Variants in AOPEP observed in about 807,000 individuals in gnomAD.
The protein encoded by AOPEP is aminopeptidase O.
Under a neutral mutation model 98.1 loss-of-function variants are expected in AOPEP, and 77 were observed. The observed-to-expected ratio is 0.78, with a 90% CI of 0.65 to 0.95. The LOEUF (loss-of-function observed/expected upper bound fraction) is 0.95. Among genes scored for constraint, AOPEP ranks in the 40% least tolerant of loss-of-function variants. The pLI, the probability that AOPEP is intolerant of heterozygous loss-of-function variation, is 0.00. For missense variants in AOPEP, 1,024 were observed against 1,024.7 expected (o/e 1.00, Z 0.01); for synonymous variants, 346 against 365.3 (o/e 0.95, Z 0.60).
At chr9:95,057,448 G>T (rs1453333945) in intron 13 of AOPEP, among the ~76,000 whole-genome samples, 1 of 152,202 alleles carries the variant, frequency 6.6e-6, no homozygotes, top group South Asian at 2.1e-4. Flanking sequence ...CTGCTGATAC[G>T]TGGTCTCTTT....
chr9:94,868,986 T>C (rs1391750298), intron 5 of AOPEP, among the ~76,000 whole-genome samples: 1 of 152,164 alleles, frequency 6.6e-6, no homozygotes, highest in East Asian at 1.9e-4. Context: ...CCCAGCACTT[T>C]GGGAGGCCAG....
At chr9:94,743,193 A>AAGAAGAG (rs1833594679) in intron 1 of AOPEP, among the ~76,000 whole-genome samples, 58 of 122,000 alleles carry the variant, frequency 4.8e-4, no homozygotes, top group African/African-American at 6.7e-4. Flanking sequence ...AAGAAGAAGA[A>AAGAAGAG]GAAGAAGAGG....
chr9:94,792,742 G>C (rs1846018517), intron 3 of AOPEP, 23 bp from the exon 4 acceptor site: 2 of 1,569,600 alleles, frequency 1.3e-6, no homozygotes, highest in East Asian at 4.5e-5. Context: ...GCCTCATTAT[G>C]GTTTTTCTCT....
intron 3 of AOPEP, among the ~76,000 whole-genome samples, chr9:94,782,505 G>A (rs1843517265): frequency 6.6e-6 from 1 of 152,202 alleles, no homozygotes; most frequent in African/African-American, 2.4e-5. Flanking sequence ...AAAAAGCCAA[G>A]ATCTGAGAGT....
At chr9:95,075,763 T>C (rs1259018313) in intron 14 of AOPEP, among the ~76,000 whole-genome samples, 1 of 152,198 alleles carries the variant, frequency 6.6e-6, no homozygotes, top group African/African-American at 2.4e-5. Flanking sequence ...GGTACATTCC[T>C]GTAGTCCTAG....
chr9:94,940,942 A>G (rs558465584), intron 7 of AOPEP, among the ~76,000 whole-genome samples: 1 of 152,318 alleles, frequency 6.6e-6, no homozygotes, highest in South Asian at 2.1e-4. Flanking sequence ...CCTGACAAGT[A>G]TAATTGGCTG....
chr9:94,752,242 A>G (rs1297561432), intron 1 of AOPEP, among the ~76,000 whole-genome samples: 1 of 152,128 alleles, frequency 6.6e-6, no homozygotes, highest in Admixed American at 6.5e-5. Context: ...TAAGTGGTAT[A>G]TCATAGTCTG....
At chr9:95,005,002 C>A (rs888842375) in intron 11 of AOPEP, 156 bp from the exon 12 acceptor site, 4 of 169,792 alleles carry the variant, frequency 2.4e-5, no homozygotes, top group Non-Finnish European at 4.6e-5. Context: ...GTGATGCGGA[C>A]CCCGGGCGGG....
intron 1 of AOPEP, among the ~76,000 whole-genome samples, chr9:94,730,341 A>G (rs897264586): frequency 1.3e-5 from 2 of 150,580 alleles, no homozygotes; most frequent in African/African-American, 5.0e-5. Flanking sequence ...GTCTAGTATA[A>G]ATTTTATAAA....
intron 7 of AOPEP, among the ~76,000 whole-genome samples, chr9:94,951,675 T>C (rs894591876): frequency 6.6e-6 from 1 of 152,210 alleles, no homozygotes; most frequent in Non-Finnish European, 1.5e-5. Context: ...ATGGTAGTTA[T>C]CTTTCACACA....
At chr9:95,058,707 G>A (rs1434941591) in intron 13 of AOPEP, among the ~76,000 whole-genome samples, 1 of 152,216 alleles carries the variant, frequency 6.6e-6, no homozygotes, top group Admixed American at 6.5e-5. Context: ...CACAACAAAG[G>A]GTAGTAGTGA....
chr9:94,756,293 A>G (rs1225546859), intron 1 of AOPEP, among the ~76,000 whole-genome samples: 1 of 144,696 alleles, frequency 6.9e-6, no homozygotes, highest in African/African-American at 2.6e-5. Flanking sequence ...CTTAGGTGTG[A>G]TGGCTCACAC....
intron 13 of AOPEP, among the ~76,000 whole-genome samples, chr9:95,008,693 C>T (rs2062237610): frequency 6.6e-6 from 1 of 152,322 alleles, no homozygotes; most frequent in South Asian, 2.1e-4. Context: ...CTCTGCCGGC[C>T]TTTCCCCGCC....
chr9:94,793,224 G>A (rs1846133557), intron 4 of AOPEP, among the ~76,000 whole-genome samples: 1 of 151,598 alleles, frequency 6.6e-6, no homozygotes, highest in Admixed American at 6.6e-5. Context: ...AAAATTAGCC[G>A]GGCGTCCCAG....
At position 94,972,499 on chromosome 9, in the gene AOPEP, A is replaced by T. The variant is rs1368809271; in HGVS notation, c.1916+4698A>T. 6.6e-6 allele frequency among the ~76,000 whole-genome samples: 1 copy of T among 152,116 alleles called. No individual in the cohort carries two copies. The highest frequency in any genetic ancestry group is 1.5e-5 in the Non-Finnish European group (1 of 68,024). On this transcript the variant is annotated intron_variant, in intron 10 of 16. Coordinates refer to ENST00000375315, the MANE Select transcript of AOPEP (RefSeq NM_001193329.3). The surrounding 1 kb of genome is among the most constrained non-coding windows in gnomAD (Gnocchi z 4.2). ...GCTGCCACTTCTTTCCTTGCCCATC[A>T]GTTACTGTGTTTGTGTGTGCATGTT...
chr9:95,011,957 A>G (rs75514733), intron 13 of AOPEP, among the ~76,000 whole-genome samples: 1,910 of 152,338 alleles, frequency 0.013, 42 homozygotes, highest in African/African-American at 0.043. Context: ...CACATATTTT[A>G]AAAAGAATCT....
At chr9:94,919,957 G>A (rs142537736) in intron 5 of AOPEP, among the ~76,000 whole-genome samples, 6 of 152,198 alleles carry the variant, frequency 3.9e-5, no homozygotes, top group Admixed American at 6.5e-5. Context: ...CTTGATAAAT[G>A]TAAGTCTGTA....
At chr9:95,098,098 G>A in the AOPEP span, among the ~76,000 whole-genome samples, 2 of 152,128 alleles carry the variant, frequency 1.3e-5, no homozygotes, top group Non-Finnish European at 2.9e-5. Flanking sequence ...TGGATTCCTT[G>A]TTGAATAAGG....
At chr9:94,947,008 G>A (rs1589036476) in intron 7 of AOPEP, among the ~76,000 whole-genome samples, 1 of 146,862 alleles carries the variant, frequency 6.8e-6, no homozygotes, top group African/African-American at 2.5e-5. Context: ...ATAGAGTCTC[G>A]CTCTGTCGCC....
Sources: allele counts gnomAD v4.1 joint callset (sites outside exome capture counted in the v4.1 genomes callset), GRCh38; gene constraint gnomAD v4.1.1; non-coding constraint Gnocchi (gnomAD v3.1); transcripts MANE v1.5; gene names NCBI Gene and HGNC (gene_info 2026-07-23, HGNC 2026-07-21).